Variants in TSC22D1 observed in about 807,000 individuals in gnomAD.
The protein encoded by TSC22D1 is TSC22 domain family protein 1.
A neutral mutation model predicts 74.2 loss-of-function variants in TSC22D1; 9 were observed. That is an observed-to-expected ratio of 0.12 (90% CI 0.07 to 0.21). TSC22D1 has a LOEUF of 0.21. Among genes scored for constraint, TSC22D1 ranks in the 10% least tolerant of loss-of-function variants. The probability of loss-of-function intolerance (pLI) is 1.00; values close to 1 mark genes in which losing one functional copy is unlikely to be tolerated. For synonymous variants in TSC22D1, 586 were observed against 492.5 expected, an observed-to-expected ratio of 1.19 and a Z score of -2.51; for missense variants, 1,427 against 1,304.7, an observed-to-expected ratio of 1.09 and a Z score of -1.44.
intron 1 of TSC22D1, among the ~76,000 whole-genome samples, chr13:44,525,451 T>C (rs1243328998): frequency 6.6e-6 from 1 of 152,036 alleles, no homozygotes; most frequent in East Asian, 1.9e-4. Flanking sequence ...TAGCCAAGCA[T>C]GGAGGCGCAT....
chr13:44,566,220 TAAG>T (rs1883364192), intron 1 of TSC22D1, among the ~76,000 whole-genome samples: 1 of 152,192 alleles, frequency 6.6e-6, no homozygotes, highest in Non-Finnish European at 1.5e-5. Flanking sequence ...ATTAGCTTTA[TAAG>T]AAGTAAAAAC....
chr13:44,516,871 A>C (rs752607404), intron 1 of TSC22D1, among the ~76,000 whole-genome samples: 1 of 152,252 alleles, frequency 6.6e-6, no homozygotes, highest in Non-Finnish European at 1.5e-5. Context: ...CAGCAAAAGC[A>C]GATCAATTAC....
At chr13:44,534,466 TGAGTA>T (rs755289872) in intron 1 of TSC22D1, among the ~76,000 whole-genome samples, 18 of 152,064 alleles carry the variant, frequency 1.2e-4, no homozygotes, top group Non-Finnish European at 1.8e-4. Flanking sequence ...TATCCTTTAT[TGAGTA>T]AATTACACTA....
chr13:44,517,085 C>T (rs144610727), intron 1 of TSC22D1, among the ~76,000 whole-genome samples: 39 of 152,250 alleles, frequency 2.6e-4, no homozygotes, highest in African/African-American at 8.4e-4. Flanking sequence ...GAGATATACA[C>T]GTGTGTGTTT....
intron 1 of TSC22D1, among the ~76,000 whole-genome samples, chr13:44,520,598 G>GA (rs1256136798): frequency 6.6e-6 from 1 of 152,092 alleles, no homozygotes; most frequent in African/African-American, 2.4e-5. Flanking sequence ...TAGTTGAAAG[G>GA]AAAAAGTTAA....
intron 1 of TSC22D1, among the ~76,000 whole-genome samples, chr13:44,532,412 T>A (rs896979343): frequency 6.6e-6 from 1 of 152,148 alleles, no homozygotes; most frequent in South Asian, 2.1e-4. Context: ...GCAGAGCACA[T>A]CTGTAATGTG....
At chr13:44,514,508 A>G (rs754195589) in intron 1 of TSC22D1, among the ~76,000 whole-genome samples, 1 of 152,100 alleles carries the variant, frequency 6.6e-6, no homozygotes, top group African/African-American at 2.4e-5. Context: ...CAAAACACAC[A>G]CATACACACA....
At position 44,573,731 on chromosome 13, in the gene TSC22D1, G is replaced by C. The variant is rs765529567; in HGVS notation, c.2344C>G (p.Pro782Ala). The C allele has an allele frequency of 1.2e-5, 20 of 1,614,104 alleles. No homozygotes were observed. The highest frequency in any genetic ancestry group is 1.4e-5 in the Non-Finnish European group (17 of 1,180,058). Reference protein sequence around the residue: ...IIHQGVQTSAPSLPQQLVIAS... With the variant: ...IIHQGVQTSAASLPQQLVIAS... Reference sequence around the variant, plus strand: ...ATAACCAATTGTTGAGGAAGGCTTGGAGCACTAGTTTGAACTCCCTGATGA... The same window carrying C: ...ATAACCAATTGTTGAGGAAGGCTTGCAGCACTAGTTTGAACTCCCTGATGA... Residue 782 changes from proline (P) to alanine (A), a missense_variant, in exon 1 of 3, where the codon CCA becomes GCA. By Grantham distance (27) the Pro-to-Ala change is conservative. Transcript: ENST00000458659.
At chr13:44,456,475 A>G (rs1288909372) in intron 1 of TSC22D1, among the ~76,000 whole-genome samples, 5 of 152,178 alleles carry the variant, frequency 3.3e-5, no homozygotes, top group African/African-American at 9.6e-5. Context: ...TGCGTTTACA[A>G]ACCTTTAGCT....
intron 1 of TSC22D1, chr13:44,436,997 G>GC (rs1383459074): frequency 1.2e-6 from 1 of 863,606 alleles, no homozygotes. Flanking sequence ...CCCCACCTCC[G>GC]CCCCCATTCT....
At chr13:44,462,439 A>G (rs1357100808) in intron 1 of TSC22D1, among the ~76,000 whole-genome samples, 1 of 152,226 alleles carries the variant, frequency 6.6e-6, no homozygotes, top group African/African-American at 2.4e-5. Context: ...AAGTACTGAT[A>G]TATTTCTAAT....
chr13:44,507,209 G>A (rs1442275191), intron 1 of TSC22D1, among the ~76,000 whole-genome samples: 2 of 152,138 alleles, frequency 1.3e-5, no homozygotes, highest in African/African-American at 4.8e-5. Context: ...GAACTAAGGA[G>A]ATAACCTTTT....
At chr13:44,510,302 G>A (rs1056652896) in intron 1 of TSC22D1, among the ~76,000 whole-genome samples, 2 of 151,766 alleles carry the variant, frequency 1.3e-5, no homozygotes, top group African/African-American at 4.8e-5. Context: ...TGAGGCAGGA[G>A]AATCACTTGA....
chr13:44,513,983 A>C (rs1879854900), intron 1 of TSC22D1, among the ~76,000 whole-genome samples: 1 of 152,256 alleles, frequency 6.6e-6, no homozygotes, highest in African/African-American at 2.4e-5. Flanking sequence ...TTGCAGGTAT[A>C]GACAACTAAA....
chr13:44,551,691 GA>G (rs1882288350), intron 1 of TSC22D1, among the ~76,000 whole-genome samples: 1 of 152,044 alleles, frequency 6.6e-6, no homozygotes, highest in Admixed American at 6.6e-5. Flanking sequence ...AAAGTGGTGG[GA>G]TTACAGGTGT....
intron 1 of TSC22D1, chr13:44,436,691 CTAGA>C: frequency 6.5e-7 from 1 of 1,544,032 alleles, no homozygotes; most frequent in East Asian, 2.3e-5. Flanking sequence ...CTTGTATAAG[CTAGA>C]TAAAATCTTC....
chr13:44,559,809 G>C (rs1194151616), intron 1 of TSC22D1, among the ~76,000 whole-genome samples: 2 of 151,556 alleles, frequency 1.3e-5, no homozygotes, highest in Admixed American at 6.6e-5. Flanking sequence ...TCATACCTCA[G>C]CCTCCTCAAG....
At chr13:44,561,375 T>G (rs1367354863) in intron 1 of TSC22D1, among the ~76,000 whole-genome samples, 1 of 152,154 alleles carries the variant, frequency 6.6e-6, no homozygotes, top group Non-Finnish European at 1.5e-5. Flanking sequence ...TAAAACATAG[T>G]ACTGATCAGG....
At chr13:44,446,334 CAGAAGTT>C (rs1291069691) in intron 1 of TSC22D1, among the ~76,000 whole-genome samples, 3 of 152,068 alleles carry the variant, frequency 2.0e-5, no homozygotes, top group Admixed American at 6.6e-5. Context: ...AAAACCAGAT[CAGAAGTT>C]CCCAGAAACT....
Sources: gnomAD v4.1 joint callset for allele counts (sites outside exome capture counted in the v4.1 genomes callset) on GRCh38, gnomAD v4.1.1 for gene constraint, MANE v1.5 for transcripts, NCBI Gene and HGNC (gene_info 2026-07-23, HGNC 2026-07-21) for gene names.